The following SNX7 variants were observed in gnomAD, a reference collection of about 807,000 sequenced individuals.
SNX7 encodes the protein sorting nexin-7.
SNX7 carries 35 observed loss-of-function variants against 48.4 expected under a neutral mutation model. The ratio of observed to expected loss-of-function variants is 0.72; its 90% confidence interval spans 0.55 to 0.96. The LOEUF (loss-of-function observed/expected upper bound fraction) is 0.96, where lower values mean the gene tolerates loss of function less well. Among genes scored for constraint, SNX7 ranks in the 40% least tolerant of loss-of-function variants. The pLI, the probability that SNX7 is intolerant of heterozygous loss-of-function variation, is 0.00. For synonymous variants in SNX7, 190 were observed against 190.2 expected (o/e 1.00, Z 0.01); for missense variants, 553 against 548.9 (o/e 1.01, Z -0.07).
chr1:98,695,469 G>A (rs761522129), intron 4 of SNX7, 49 bp from the exon 5 acceptor site: 69 of 1,536,072 alleles, frequency 4.5e-5, no homozygotes, highest in Middle Eastern at 3.6e-4. Context: ...ATTGAGTCTC[G>A]GAATATTGAG....
At chr1:98,734,669 T>G (rs1207508554) in intron 7 of SNX7, among the ~76,000 whole-genome samples, 1 of 152,190 alleles carries the variant, frequency 6.6e-6, no homozygotes, top group Non-Finnish European at 1.5e-5. Context: ...AGATATGTAG[T>G]CACCATCGTA....
At chr1:98,725,867 A>G (rs1200561180) in intron 7 of SNX7, among the ~76,000 whole-genome samples, 4 of 152,166 alleles carry the variant, frequency 2.6e-5, no homozygotes, top group Non-Finnish European at 1.5e-5. Flanking sequence ...GGGTCTTACT[A>G]TAATAGAAGA....
intron 7 of SNX7, among the ~76,000 whole-genome samples, chr1:98,715,806 T>C (rs191574015): frequency 3.9e-5 from 6 of 152,312 alleles, no homozygotes; most frequent in Admixed American, 6.5e-5. Context: ...GAAAAAGTTA[T>C]GTTTAGAATA....
At chr1:98,752,270 AG>A (rs1231935181) in intron 8 of SNX7, among the ~76,000 whole-genome samples, 7 of 152,056 alleles carry the variant, frequency 4.6e-5, no homozygotes, top group Non-Finnish European at 8.8e-5. Flanking sequence ...CGTACTCAAG[AG>A]CAAAGAAATT....
chr1:98,668,448 G>A (rs74110422), intron 1 of SNX7, among the ~76,000 whole-genome samples: 4,647 of 152,268 alleles, frequency 0.031, 208 homozygotes, highest in East Asian at 0.091. Flanking sequence ...CCAGTGCCTT[G>A]TTATGGATTC....
At chr1:98,693,887 C>T (rs577716334) in intron 4 of SNX7, among the ~76,000 whole-genome samples, 1 of 152,126 alleles carries the variant, frequency 6.6e-6, no homozygotes, top group Non-Finnish European at 1.5e-5. Context: ...GCTTGTGTCT[C>T]AACAAGGGCC....
At chr1:98,752,514 TA>T (rs1378492981) in intron 8 of SNX7, among the ~76,000 whole-genome samples, 3 of 151,990 alleles carry the variant, frequency 2.0e-5, no homozygotes, top group African/African-American at 7.2e-5. Context: ...AAAAAAACCA[TA>T]TTGGTCAGCA....
At chr1:98,730,777 C>T (rs901333913) in intron 7 of SNX7, among the ~76,000 whole-genome samples, 1 of 152,106 alleles carries the variant, frequency 6.6e-6, no homozygotes, top group East Asian at 1.9e-4. Flanking sequence ...AAAAAACATT[C>T]CATACTCATA....
intron 7 of SNX7, among the ~76,000 whole-genome samples, chr1:98,703,610 T>A (rs540592131): frequency 6.6e-6 from 1 of 151,930 alleles, no homozygotes; most frequent in Non-Finnish European, 1.5e-5. Flanking sequence ...ACCTTTTCTA[T>A]TTGATAAGAA....
chr1:98,706,744 A>C (rs564113292), intron 7 of SNX7, among the ~76,000 whole-genome samples: 9 of 152,238 alleles, frequency 5.9e-5, no homozygotes, highest in Admixed American at 1.3e-4. Context: ...TATATTTCGC[A>C]GGAAGAGCTG....
At chr1:98,729,858 G>A (rs527248872) in intron 7 of SNX7, among the ~76,000 whole-genome samples, 5 of 152,256 alleles carry the variant, frequency 3.3e-5, no homozygotes, top group Admixed American at 6.5e-5. Context: ...CATTTTTACT[G>A]AAACTATTCT....
intron 7 of SNX7, among the ~76,000 whole-genome samples, chr1:98,715,068 A>G (rs564166144): frequency 2.0e-5 from 3 of 152,268 alleles, no homozygotes; most frequent in South Asian, 4.1e-4. Flanking sequence ...TAGTACAACC[A>G]TCAATATCAA....
chr1:98,724,622 G>C (rs924928983), intron 7 of SNX7, among the ~76,000 whole-genome samples: 4 of 152,080 alleles, frequency 2.6e-5, no homozygotes, highest in Non-Finnish European at 5.9e-5. Context: ...AAGGATAAAG[G>C]ATGCTTATTT....
chr1:98,691,690 A>C lies in SNX7; in HGVS notation c.630A>C (p.Ala210=), dbSNP rs566471069. ...AAGACTTCAAAATTTTTCTCACTGCACAAGCTTGGGTAAATGATTTTTATT... is the reference window on the plus strand; with the variant it reads ...AAGACTTCAAAATTTTTCTCACTGCCCAAGCTTGGGTAAATGATTTTTATT... ...FNEDFKIFLT[A]QAWELSSHKK... Residue 210 remains alanine (A), a synonymous_variant, in exon 4 of 9, where the codon GCA becomes GCC. Transcript: ENST00000306121. 3.1e-6 allele frequency: 5 copies of C among 1,603,182 alleles called. No individual in the cohort carries two copies. In the South Asian group the frequency reaches 5.6e-5, roughly 18 times the overall value.
chr1:98,722,318 A>T (rs1652928608), intron 7 of SNX7, among the ~76,000 whole-genome samples: 1 of 152,158 alleles, frequency 6.6e-6, no homozygotes, highest in South Asian at 2.1e-4. Flanking sequence ...AATCACATGT[A>T]TGCTTAAGCA....
At chr1:98,682,661 T>A (rs1407044727) in intron 1 of SNX7, among the ~76,000 whole-genome samples, 1 of 152,160 alleles carries the variant, frequency 6.6e-6, no homozygotes, top group Non-Finnish European at 1.5e-5. Context: ...TTCCCAAGAT[T>A]CCTCCTTTAT....
At chr1:98,702,037 TA>T in intron 7 of SNX7, 134 bp downstream of exon 7, 1 of 586,876 alleles carries the variant, frequency 1.7e-6, no homozygotes, top group Non-Finnish European at 2.9e-6. Context: ...CAAATTATAG[TA>T]AAATTTCTTC....
rs114647218 is a variant in SNX7 at position 98,674,402 on chromosome 1, A to C, written c.181-10483A>C. ...AGGGATCTGTTCCAGACTTCCCAAC[A>C]TGGCTTATAGATCCATGTTCTCCCA... On this transcript the variant is annotated intron_variant, in intron 1 of 8. Coordinates refer to ENST00000306121, the MANE Select transcript of SNX7 (RefSeq NM_015976.5). 7.9e-3 allele frequency among the ~76,000 whole-genome samples: 1,200 copies of C among 152,234 alleles called. 15 individuals carry two copies. The highest frequency in any genetic ancestry group is 0.028 in the African/African-American group (1,160 of 41,550).
At chr1:98,704,540 C>T (rs182572390) in intron 7 of SNX7, among the ~76,000 whole-genome samples, 9 of 152,190 alleles carry the variant, frequency 5.9e-5, no homozygotes, top group Admixed American at 3.3e-4. Flanking sequence ...AAAAATGAAC[C>T]GGCCTTGATT....
Sources: allele counts gnomAD v4.1 joint callset (sites outside exome capture counted in the v4.1 genomes callset), GRCh38; gene constraint gnomAD v4.1.1; transcripts MANE v1.5; gene names NCBI Gene and HGNC (gene_info 2026-07-23, HGNC 2026-07-21).